The following VWA8 variants were observed in gnomAD, a reference collection of about 807,000 sequenced individuals.
The protein encoded by VWA8 is von Willebrand factor A domain containing 8.
Under a neutral mutation model 241.5 loss-of-function variants are expected in VWA8, and 221 were observed. The ratio of observed to expected loss-of-function variants is 0.91; its 90% CI spans 0.82 to 1.02. The LOEUF (loss-of-function observed/expected upper bound fraction) is 1.02. Ranked by LOEUF, VWA8 falls within the 50% of genes least tolerant of loss-of-function variation. VWA8 has a pLI of 0.00. For synonymous variants in VWA8, 852 were observed against 827.1 expected, an observed-to-expected ratio of 1.03 and a Z score of -0.52; for missense variants, 2,322 against 2,328.7, an observed-to-expected ratio of 1.00 and a Z score of 0.06.
chr13:41,806,001 T>TAAAAAAAAA (rs60826821), intron 17 of VWA8, among the ~76,000 whole-genome samples: 31 of 118,830 alleles, frequency 2.6e-4, no homozygotes, highest in East Asian at 6.8e-4. Context: ...AATTCAAAAA[T>TAAAAAAAAA]AAAAAAAAAA....
Position 41,709,762 on chromosome 13 carries a change from T to A in VWA8, c.3117-6351A>T, listed in dbSNP as rs1215779120. 2.8e-5 allele frequency among the ~76,000 whole-genome samples: 4 copies of A among 142,770 alleles called. No individual in the cohort carries two copies. In the South Asian group the frequency reaches 6.5e-4, roughly 23 times the overall value. The allele number at this position is 142,770 out of a possible 152,430, so 93.7% of individuals were successfully genotyped here. ...TCACATGAGTCACTCTGTCTCTCTG[T>A]CTCTCTCTCTTTTTTTTTTTTTTTT... On this transcript the variant is annotated intron_variant, in intron 26 of 44. Transcript: ENST00000379310.
At chr13:41,782,809 G>C (rs919972388) in intron 19 of VWA8, among the ~76,000 whole-genome samples, 1 of 151,848 alleles carries the variant, frequency 6.6e-6, no homozygotes, top group African/African-American at 2.4e-5. Flanking sequence ...AGTTGGAAGA[G>C]AAAACATTTT....
intron 37 of VWA8, among the ~76,000 whole-genome samples, chr13:41,635,789 A>G (rs1293065049): frequency 6.6e-6 from 1 of 152,158 alleles, no homozygotes; most frequent in African/African-American, 2.4e-5. Context: ...TCCTGGAAGA[A>G]GTAATGTTCA....
At chr13:41,681,857 TTTGGGGG>T (rs1229127345) in intron 35 of VWA8, among the ~76,000 whole-genome samples, 1 of 151,476 alleles carries the variant, frequency 6.6e-6, no homozygotes, top group Non-Finnish European at 1.5e-5. Context: ...TGAGAATGAG[TTTGGGGG>T]TTGGGGGGAA....
intron 37 of VWA8, among the ~76,000 whole-genome samples, chr13:41,638,428 A>T (rs1255362395): frequency 6.6e-6 from 1 of 152,214 alleles, no homozygotes; most frequent in African/African-American, 2.4e-5. Flanking sequence ...TGAGAATTTA[A>T]AGTGAAGAGG....
At chr13:41,703,516 C>G (rs1004008104) in intron 26 of VWA8, 105 bp from the exon 27 acceptor site, 2 of 916,166 alleles carry the variant, frequency 2.2e-6, no homozygotes, top group Admixed American at 2.2e-5. Flanking sequence ...TTGAAGAGTG[C>G]TTTACTTAGA....
chr13:41,803,535 A>G (rs1179694816), intron 17 of VWA8, among the ~76,000 whole-genome samples: 2 of 152,156 alleles, frequency 1.3e-5, no homozygotes, highest in Admixed American at 1.3e-4. Context: ...AAAGAAGAGA[A>G]CTTGTGCAGG....
At chr13:41,700,575 C>T (rs1048041828) in intron 28 of VWA8, among the ~76,000 whole-genome samples, 1 of 152,142 alleles carries the variant, frequency 6.6e-6, no homozygotes, top group African/African-American at 2.4e-5. Context: ...CAGAAATGTA[C>T]TTAATAAACT....
chr13:41,828,429 G>C (rs1026734651), intron 14 of VWA8, among the ~76,000 whole-genome samples: 1 of 152,140 alleles, frequency 6.6e-6, no homozygotes, highest in Non-Finnish European at 1.5e-5. Flanking sequence ...TGGAAATGTA[G>C]CAAGATAGAA....
At chr13:41,920,227 G>A (rs1171070055) in intron 2 of VWA8, among the ~76,000 whole-genome samples, 1 of 152,056 alleles carries the variant, frequency 6.6e-6, no homozygotes, top group Non-Finnish European at 1.5e-5. Context: ...TTGATTCTAG[G>A]TCCCAAATTG....
At chr13:41,572,482 C>A (rs2044314200) in intron 43 of VWA8, among the ~76,000 whole-genome samples, 1 of 152,170 alleles carries the variant, frequency 6.6e-6, no homozygotes, top group Non-Finnish European at 1.5e-5. Context: ...TGCTGTTAAT[C>A]TATAACCTTA....
At chr13:41,748,226 C>A (rs1180842018) in intron 21 of VWA8, among the ~76,000 whole-genome samples, 2 of 152,138 alleles carry the variant, frequency 1.3e-5, no homozygotes, top group East Asian at 3.9e-4. Flanking sequence ...TCCATCTGGT[C>A]CTGAACTTTT....
intron 2 of VWA8, among the ~76,000 whole-genome samples, chr13:41,941,564 A>C (rs928482276): frequency 6.6e-6 from 1 of 152,244 alleles, no homozygotes. Context: ...AAATGCATAC[A>C]GAATTTATTT....
intron 12 of VWA8, among the ~76,000 whole-genome samples, chr13:41,840,869 G>C (rs1871968407): frequency 1.3e-5 from 2 of 151,964 alleles, no homozygotes; most frequent in Admixed American, 6.6e-5. Flanking sequence ...CATGGGTCAG[G>C]TCATCCTATA....
At chr13:41,702,481 T>G (rs143767923) in intron 27 of VWA8, among the ~76,000 whole-genome samples, 1 of 152,346 alleles carries the variant, frequency 6.6e-6, no homozygotes, top group African/African-American at 2.4e-5. Flanking sequence ...AAATGAACAG[T>G]TGGATTACCA....
At chr13:41,602,323 G>T (rs1454253672) in intron 40 of VWA8, among the ~76,000 whole-genome samples, 1 of 152,094 alleles carries the variant, frequency 6.6e-6, no homozygotes, top group Non-Finnish European at 1.5e-5. Context: ...TGGAAAAAGA[G>T]AAAAGAGACC....
At chr13:41,743,349 C>G (rs903614954) in intron 21 of VWA8, among the ~76,000 whole-genome samples, 1 of 152,204 alleles carries the variant, frequency 6.6e-6, no homozygotes, top group Non-Finnish European at 1.5e-5. Context: ...CATGCTGTCA[C>G]GAATGATTCT....
At chr13:41,619,393 T>G (rs2044642384) in intron 37 of VWA8, among the ~76,000 whole-genome samples, 1 of 152,250 alleles carries the variant, frequency 6.6e-6, no homozygotes, top group South Asian at 2.1e-4. Flanking sequence ...GTTTTCTAAA[T>G]GTACAATCAT....
intron 12 of VWA8, among the ~76,000 whole-genome samples, chr13:41,843,224 C>A (rs1872136566): frequency 6.6e-6 from 1 of 152,120 alleles, no homozygotes; most frequent in Admixed American, 6.6e-5. Context: ...TAGACTAAAA[C>A]CCCAGCATAT....
Sources: allele counts gnomAD v4.1 joint callset (sites outside exome capture counted in the v4.1 genomes callset), GRCh38; gene constraint gnomAD v4.1.1; transcripts MANE v1.5; gene names NCBI Gene and HGNC (gene_info 2026-07-23, HGNC 2026-07-21).